PTP4A3: variants seen among roughly 807,000 people sequenced by gnomAD.
PTP4A3 encodes the protein protein tyrosine phosphatase type IVA 3.
Under a neutral mutation model 15.2 loss-of-function variants are expected in PTP4A3, and 9 were observed. That is an observed-to-expected ratio of 0.59 (90% CI 0.36 to 1.03). PTP4A3 has a LOEUF of 1.03. Among genes scored for constraint, PTP4A3 ranks in the 50% least tolerant of loss-of-function variants. The pLI is 0.02. For missense variants in PTP4A3, 234 were observed against 252.1 expected (o/e 0.93, Z 0.49); for synonymous variants, 95 against 102.0 (o/e 0.93, Z 0.41).
chr8:141,422,575 C>T (rs1266401631), intron 2 of PTP4A3, among the ~76,000 whole-genome samples: 1 of 151,910 alleles, frequency 6.6e-6, no homozygotes, highest in Non-Finnish European at 1.5e-5. Flanking sequence ...CCCTGGGAGG[C>T]CTGCAGGGGG....
intron 1 of PTP4A3, among the ~76,000 whole-genome samples, chr8:141,415,571 C>T (rs2129993298): frequency 6.9e-6 from 1 of 145,012 alleles, no homozygotes; most frequent in South Asian, 2.3e-4. Context: ...CCCAGCCCCG[C>T]GCCCCCGCCT....
At chr8:141,428,606 G>A (rs911596962) in intron 5 of PTP4A3, among the ~76,000 whole-genome samples, 3 of 152,170 alleles carry the variant, frequency 2.0e-5, no homozygotes, top group African/African-American at 7.2e-5. Context: ...GTGGGTCTGT[G>A]TGAGAGTGTG....
Position 141,431,107 on chromosome 8 carries a change from C to A in PTP4A3, c.*63C>A. The A allele has an allele frequency of 6.7e-7, 1 of 1,501,286 alleles. No individual in the cohort carries two copies. Among genetic ancestry groups the A allele is most frequent in the Non-Finnish European group, 9.3e-7 (1 of 1,080,126 alleles). The allele number at this position is 1,501,286 out of a possible 1,614,324, so 93.0% of individuals were successfully genotyped here. A position where few individuals can be genotyped will look rare whatever the true frequency, so the allele number is the denominator to read the frequency against. On this transcript the variant is annotated 3_prime_UTR_variant, in exon 6 of 6. Coordinates refer to ENST00000521578, the MANE Select transcript of PTP4A3 (RefSeq NM_032611.3). ...AGGACCTTGGCTGGACCTGGAGGCCCTGCCCAGCCCTGCTCTGCCCAGCCC... is the reference window on the plus strand; with the variant it reads ...AGGACCTTGGCTGGACCTGGAGGCCATGCCCAGCCCTGCTCTGCCCAGCCC...
rs958194418 is a variant in PTP4A3, at chr8:141,431,165, T to C, written c.*121T>C. The C allele has an allele frequency of 1.8e-5, 17 of 936,294 alleles. No individual in the cohort carries two copies. Among genetic ancestry groups the C allele is most frequent in the Non-Finnish European group, 2.7e-5 (16 of 600,568 alleles). 58.0% of individuals were successfully genotyped at this position (936,294 alleles called of 1,614,324 possible). A position where few individuals can be genotyped will look rare whatever the true frequency, so the allele number is the denominator to read the frequency against. ...GCTCCAGGCCTTGGCTGGCCCCACA[T>C]CGCCTTTTCCTCCCCGACACCTCCG... On this transcript the variant is annotated 3_prime_UTR_variant, in exon 6 of 6. Coordinates refer to ENST00000521578, the MANE Select transcript of PTP4A3 (RefSeq NM_032611.3).
intron 1 of PTP4A3, among the ~76,000 whole-genome samples, chr8:141,403,003 T>A (rs1832632901): frequency 6.6e-6 from 1 of 151,962 alleles, no homozygotes; most frequent in African/African-American, 2.4e-5. Context: ...CCCAAGCACC[T>A]CCTGTGTGCA....
chr8:141,397,343 G>C (rs1223290205), intron 1 of PTP4A3, among the ~76,000 whole-genome samples: 1 of 152,216 alleles, frequency 6.6e-6, no homozygotes, highest in Non-Finnish European at 1.5e-5. Context: ...CTCTGAAGGA[G>C]GTCCCAGTGA....
At chr8:141,402,888 C>G (rs971356724) in intron 1 of PTP4A3, among the ~76,000 whole-genome samples, 1 of 152,156 alleles carries the variant, frequency 6.6e-6, no homozygotes, top group African/African-American at 2.4e-5. Context: ...GGGCCTTTGG[C>G]GGATCCAGGT....
At chr8:141,405,886 C>G (rs1832709211) in intron 1 of PTP4A3, among the ~76,000 whole-genome samples, 1 of 152,024 alleles carries the variant, frequency 6.6e-6, no homozygotes, top group Non-Finnish European at 1.5e-5. Flanking sequence ...ACAGGCAGTG[C>G]AAGGGCTCGG....
chr8:141,394,971 C>T (rs1439442011), intron 1 of PTP4A3, among the ~76,000 whole-genome samples: 1 of 152,224 alleles, frequency 6.6e-6, no homozygotes, highest in Non-Finnish European at 1.5e-5. Flanking sequence ...TCGGGTAGGC[C>T]AGCCTCCCTG....
intron 5 of PTP4A3, among the ~76,000 whole-genome samples, chr8:141,429,398 C>T (rs1043601374): frequency 6.6e-6 from 1 of 152,268 alleles, no homozygotes; most frequent in African/African-American, 2.4e-5. Flanking sequence ...ACGCCTGTCA[C>T]CTCAGGGCCT....
intron 1 of PTP4A3, among the ~76,000 whole-genome samples, chr8:141,416,828 G>T (rs1434861328): frequency 6.6e-6 from 1 of 151,886 alleles, no homozygotes; most frequent in East Asian, 1.9e-4. Context: ...ATGTTTTCTG[G>T]AAGTGTGGGT....
chr8:141,393,640 A>T (rs905777082), intron 1 of PTP4A3, among the ~76,000 whole-genome samples: 2 of 152,232 alleles, frequency 1.3e-5, no homozygotes, highest in Admixed American at 6.5e-5. Flanking sequence ...TGGTTTCCTC[A>T]GCTGCCTGCT....
rs573867247 is a variant in PTP4A3, at chr8:141,400,185, G to A, written c.-854+8101G>A. On this transcript the variant is annotated intron_variant, in intron 1 of 5. Coordinates refer to ENST00000521578, the MANE Select transcript of PTP4A3 (RefSeq NM_032611.3). ...CTGGGATTACAGTGTGAGCCACTGC[G>A]CCCGGCCCACCACTGTGCCTGGCCT... Among the ~76,000 whole-genome samples the A allele has an allele frequency of 3.3e-5, 5 of 152,172 alleles. No homozygotes were observed. In the East Asian group the frequency reaches 7.8e-4, roughly 24 times the overall value.
intron 1 of PTP4A3, among the ~76,000 whole-genome samples, chr8:141,398,977 C>T (rs534838084): frequency 1.3e-5 from 2 of 152,258 alleles, no homozygotes; most frequent in Admixed American, 6.5e-5. Context: ...GTCCCCATCT[C>T]AGTCCCCTTC....
intron 1 of PTP4A3, among the ~76,000 whole-genome samples, chr8:141,399,355 C>A (rs769737319): frequency 3.3e-5 from 5 of 152,182 alleles, no homozygotes; most frequent in African/African-American, 1.2e-4. Context: ...CCCTTCCTCC[C>A]GGGCTTTGCT....
In PTP4A3 at chr8:141,430,980, G is replaced by T; in HGVS notation, c.458G>T (p.Arg153Leu). ...SKQLTYLEKYRPKQRLRFKDP... is the reference protein window; with the variant it reads ...SKQLTYLEKYLPKQRLRFKDP... The stretch of plus-strand genomic sequence containing the variant: ...CAGCTCACCTACCTGGAGAAATACC[G>T]GCCCAAACAGAGGCTGCGGTTCAAA... Residue 153 changes from arginine (R) to leucine (L), a missense_variant, in exon 6 of 6, where the codon CGG (arginine) becomes CTG (leucine). Coordinates refer to ENST00000521578, the MANE Select transcript of PTP4A3 (RefSeq NM_032611.3). 8 of 1,613,336 alleles carry T rather than the reference G, an allele frequency of 5.0e-6. No individual in the cohort carries two copies. The highest frequency in any genetic ancestry group is 6.8e-6 in the Non-Finnish European group (8 of 1,179,950).
intron 1 of PTP4A3, among the ~76,000 whole-genome samples, chr8:141,420,882 C>A (rs574679246): frequency 1.6e-3 from 207 of 126,560 alleles, no homozygotes; most frequent in Non-Finnish European, 3.0e-3. Context: ...GCCTGGGCCC[C>A]ATTCCCTGAG....
intron 1 of PTP4A3, among the ~76,000 whole-genome samples, chr8:141,403,897 CA>C: frequency 6.6e-6 from 1 of 152,376 alleles, no homozygotes; most frequent in African/African-American, 2.4e-5. Context: ...TTTTATTTTG[CA>C]ATAATTTTTA....
chr8:141,424,982 TG>T, intron 2 of PTP4A3, 65 bp from the exon 3 acceptor site: 1 of 1,370,840 alleles, frequency 7.3e-7, no homozygotes, highest in Middle Eastern at 1.9e-4. Flanking sequence ...CCCTGGTGAG[TG>T]GGTCCTGCCC....
Sources: allele counts gnomAD v4.1 joint callset (sites outside exome capture counted in the v4.1 genomes callset), GRCh38; gene constraint gnomAD v4.1.1; transcripts MANE v1.5; gene names NCBI Gene and HGNC (gene_info 2026-07-23, HGNC 2026-07-21).